Variants in PCNX3 observed in about 807,000 individuals in gnomAD.
PCNX3 encodes pecanex 3, also known as pecanex-like protein 3.
In PCNX3, 58 loss-of-function variants were observed where a neutral mutation model predicts 207.2. The ratio of observed to expected loss-of-function variants is 0.28; its 90% CI spans 0.23 to 0.35. The LOEUF is 0.35. Among genes scored for constraint, PCNX3 ranks in the 10% least tolerant of loss-of-function variants. The pLI is 1.00. For synonymous variants in PCNX3, 1,337 were observed against 1,183.5 expected, an observed-to-expected ratio of 1.13 and a Z score of -2.66; for missense variants, 2,410 against 2,774.4, an observed-to-expected ratio of 0.87 and a Z score of 2.95.
chr11:65,620,196 CT>C, intron 8 of PCNX3, 142 bp from the exon 9 acceptor site: 4 of 938,558 alleles, frequency 4.3e-6, no homozygotes, highest in Non-Finnish European at 6.3e-6. Context: ...CCTGTAGGCC[CT>C]TTCCTCTCCA....
chr11:65,616,087 T>A lies in PCNX3; in HGVS notation c.-225T>A. 1 of 336,870 alleles carries A rather than the reference T, an allele frequency of 3.0e-6. No homozygotes were observed. The highest frequency in any genetic ancestry group is 5.3e-6 in the Non-Finnish European group (1 of 187,788). The allele number at this position is 336,870 out of a possible 1,614,324, so 20.9% of individuals were successfully genotyped here. ...GTGGGGACCCGGACCCCGCCCCTGA[T>A]GCAGCCCCACCCCCGCGTCCGGGCC... On this transcript the variant is annotated 5_prime_UTR_variant, in exon 1 of 35. The change abolishes an upstream ATG in the 5' untranslated region. Coordinates refer to ENST00000355703, the MANE Select transcript of PCNX3 (RefSeq NM_032223.4).
intron 7 of PCNX3, 32 bp downstream of exon 7, chr11:65,619,692 C>T (rs1854974311): frequency 1.3e-6 from 2 of 1,573,314 alleles, no homozygotes; most frequent in Non-Finnish European, 8.6e-7. Flanking sequence ...CCGAGGGGCA[C>T]CGGGGGCCGG....
rs368092880 is a variant in PCNX3, at chr11:65,635,834, G to A, written c.5459+31G>A. 76 of 1,581,344 alleles carry A rather than the reference G, an allele frequency of 4.8e-5. 1 individual carries two copies. The highest frequency in any genetic ancestry group is 6.0e-5 in the Non-Finnish European group (70 of 1,163,770). On this transcript the variant is annotated intron_variant, in intron 32 of 34. Coordinates refer to ENST00000355703, the MANE Select transcript of PCNX3 (RefSeq NM_032223.4). The surrounding 1 kb of genome is among the most constrained non-coding windows in gnomAD (Gnocchi z 9.9). ...GCCTCGGGAAGGGGTGACGTGTGGCGCGGGAGGAAGCTGAGGTGCAGTACG... is the reference window on the plus strand; with the variant it reads ...GCCTCGGGAAGGGGTGACGTGTGGCACGGGAGGAAGCTGAGGTGCAGTACG...
At position 65,637,377 on chromosome 11, in the gene PCNX3, CTTTTTTTT is replaced by C. The variant is rs377458419; in HGVS notation, c.*410_*417del. The C allele has an allele frequency of 3.0e-5, 4 of 132,982 alleles. No individual in the cohort carries two copies. The highest frequency in any genetic ancestry group is 3.2e-5 in the Non-Finnish European group (2 of 63,298). 8.2% of individuals were successfully genotyped at this position (132,982 alleles called of 1,614,324 possible). A position where few individuals can be genotyped will look rare whatever the true frequency, so the allele number is the denominator to read the frequency against. On this transcript the variant is annotated 3_prime_UTR_variant, in exon 35 of 35. Transcript: ENST00000355703. ...TTCTTTCTTTCCTTTTTTTTCTTTT[CTTTTTTTT>C]TTTTTTTTTTGTGCTTCGGAGACAT... is the stretch of plus-strand genomic sequence containing the variant.
At position 65,637,206 on chromosome 11, in the gene PCNX3, C is replaced by G; in HGVS notation, c.*228C>G. The G allele has an allele frequency of 3.5e-6, 2 of 575,818 alleles. No individual in the cohort carries two copies. Among genetic ancestry groups the G allele is most frequent in the Non-Finnish European group, 6.1e-6 (2 of 325,950 alleles). The allele number at this position is 575,818 out of a possible 1,614,324, so 35.7% of individuals were successfully genotyped here. A position where few individuals can be genotyped will look rare whatever the true frequency, so the allele number is the denominator to read the frequency against. ...GGGCTCCCCAGATGGAGGCAGTCAG[C>G]CTCCCAGCCAGGCCCTAAGAGCCAA... On this transcript the variant is annotated 3_prime_UTR_variant, in exon 35 of 35. Transcript: ENST00000355703.
chr11:65,628,818 G>T lies in PCNX3; in HGVS notation c.3812-1G>T. ...CCGCCGCCTCCTTGACTGTGGCTCA[G>T]ACTCGGCCATGCTGTTCGTCCAGGC... On this transcript the variant is annotated splice_acceptor_variant, in intron 23 of 34. Coordinates refer to ENST00000355703, the MANE Select transcript of PCNX3 (RefSeq NM_032223.4). LOFTEE classifies it high-confidence loss of function. 1 of 1,611,280 alleles carries T rather than the reference G, an allele frequency of 6.2e-7. No homozygotes were observed.
chr11:65,618,996 C>A lies in PCNX3; in HGVS notation c.1634C>A (p.Ala545Glu). Reference protein sequence around the residue: ...ASEPVVLPAEARRGPAANQPG... With the variant: ...ASEPVVLPAEERRGPAANQPG... ...GAGCCTGTTGTGCTGCCTGCTGAGG[C>A]GCGAAGGGGACCCGCTGCCAACCAG... The change falls in exon 6 of 35, where the codon GCG (alanine) becomes GAG (glutamate). Residue 545 changes from alanine to glutamate, a missense_variant. Physicochemically the swap from Ala to Glu is moderately radical, Grantham distance 107. Transcript: ENST00000355703. 6.3e-7 allele frequency: 1 copy of A among 1,598,472 alleles called. No homozygotes were observed. The highest frequency in any genetic ancestry group is 8.5e-7 in the Non-Finnish European group (1 of 1,177,992).
At chr11:65,620,001 C>T in intron 8 of PCNX3, 69 bp downstream of exon 8, 1 of 1,467,584 alleles carries the variant, frequency 6.8e-7, no homozygotes, top group Non-Finnish European at 9.2e-7. Context: ...GTCCTCCTAG[C>T]AGTGGTGCTC....
In PCNX3 at chr11:65,619,542, G is replaced by A. The variant is rs1471136010; in HGVS notation, c.1711G>A (p.Glu571Lys). ...QEEGAVGGAA[E>K]ETGRRDRSSS... ...GGGGGCCTCTCTCTGGGCAGCGGCC[G>A]AGGAGACTGGCAGGCGGGACCGCTC... Residue 571 changes from glutamate (E) to lysine (K), a missense_variant, in exon 7 of 35, where the codon GAG becomes AAG. Physicochemically the swap from Glu to Lys is moderately conservative, Grantham distance 56. Around this residue, in one of 8 missense-constraint regions of PCNX3, gnomAD observed 1,104 missense variants for 970.3 expected, o/e 1.14. Transcript: ENST00000355703. 5 of 1,611,702 alleles carry A rather than the reference G, an allele frequency of 3.1e-6. No homozygotes were observed. The highest frequency in any genetic ancestry group is 1.3e-5 in the African/African-American group (1 of 75,074).
chr11:65,622,598 GA>G (rs142046852), intron 11 of PCNX3, among the ~76,000 whole-genome samples: 2,468 of 152,146 alleles, frequency 0.016, 36 homozygotes, highest in Non-Finnish European at 0.028. Context: ...AAGTCCTGCT[GA>G]AAAAAACTTT....
intron 26 of PCNX3, among the ~76,000 whole-genome samples, 157 bp from the exon 27 acceptor site, chr11:65,630,194 G>A (rs961160475): frequency 6.6e-6 from 1 of 152,196 alleles, no homozygotes; most frequent in Non-Finnish European, 1.5e-5. Flanking sequence ...AAAGGCAGGC[G>A]CTCTTTCGTG....
In PCNX3 at chr11:65,629,386, G is replaced by A. The variant is rs1167960566; in HGVS notation, c.3971G>A (p.Arg1324His). Residue 1324 changes from arginine (R) to histidine (H), a missense_variant, in exon 25 of 35, where the codon CGC (arginine) becomes CAC (histidine). Arg to His is a conservative substitution (Grantham distance 29). This residue lies in a region of PCNX3 where 420 missense variants were observed against 705.3 expected (regional missense o/e 0.60). Transcript: ENST00000355703. ...AAACGTGTGGATCATTCCAACACCC[G>A]CCTGGTCACACAGCTGGACAGGAAC... ...NTKRVDHSNT[R>H]LVTQLDRNPG... 3 of 1,611,850 alleles carry A rather than the reference G, an allele frequency of 1.9e-6. No individual in the cohort carries two copies. Among genetic ancestry groups the A allele is most frequent in the African/African-American group, 1.3e-5 (1 of 74,990 alleles).
chr11:65,628,526 G>T, intron 22 of PCNX3, 69 bp from the exon 23 acceptor site: 1 of 1,456,894 alleles, frequency 6.9e-7, no homozygotes, highest in Non-Finnish European at 9.5e-7. Context: ...TCTGAATGGG[G>T]CCTGGCATCC....
chr11:65,616,413 C>A lies in PCNX3; in HGVS notation c.102C>A (p.Phe34Leu), dbSNP rs147443684. 1 of 1,610,648 alleles carries A rather than the reference C, an allele frequency of 6.2e-7. No individual in the cohort carries two copies. Reference protein sequence around the residue: ...DPHQSTFSNCFHLYVWIFLLI... With the variant: ...DPHQSTFSNCLHLYVWIFLLI... ...ACCAGAGCACCTTCTCCAACTGCTT[C>A]CACCTCTATGTCTGGATCTTCCTGC... Residue 34 changes from phenylalanine (F) to leucine (L), a missense_variant, in exon 1 of 35, where the codon TTC becomes TTA. By Grantham distance (22) the Phe-to-Leu change is conservative. Transcript: ENST00000355703.
rs760489135 is a variant in PCNX3 at position 65,617,388 on chromosome 11, C to G, written c.441+39C>G. 17 of 1,613,274 alleles carry G rather than the reference C, an allele frequency of 1.1e-5. No individual in the cohort carries two copies. In the South Asian group the frequency reaches 1.3e-4, roughly 13 times the overall value. On this transcript the variant is annotated intron_variant, in intron 3 of 34. Coordinates refer to ENST00000355703, the MANE Select transcript of PCNX3 (RefSeq NM_032223.4). ...GACCTCAGCTTGTCCTCCTGTCCCTCTGCGAGCCAGTCCCTACTGTGGGTG... is the reference window on the plus strand; with the variant it reads ...GACCTCAGCTTGTCCTCCTGTCCCTGTGCGAGCCAGTCCCTACTGTGGGTG...
chr11:65,630,728 CAGAG>C, intron 27 of PCNX3, 124 bp downstream of exon 27: 1 of 1,377,490 alleles, frequency 7.3e-7, no homozygotes, highest in Non-Finnish European at 9.8e-7. Flanking sequence ...GCTGAGGCCT[CAGAG>C]AGTTTAAGTG....
At position 65,636,583 on chromosome 11, in the gene PCNX3, C is replaced by G. The variant is rs368541735; in HGVS notation, c.5786C>G (p.Ser1929Cys). The G allele has an allele frequency of 2.5e-5, 40 of 1,594,110 alleles. No individual in the cohort carries two copies. Among genetic ancestry groups the G allele is most frequent in the Non-Finnish European group, 3.3e-5 (39 of 1,172,372 alleles). The change falls in exon 34 of 35, where the codon TCT (serine) becomes TGT (cysteine). Residue 1929 changes from serine to cysteine, a missense_variant. By Grantham distance (112) the Ser-to-Cys change is moderately radical. Around this residue, in one of 8 missense-constraint regions of PCNX3, gnomAD observed 278 missense variants for 245.1 expected, o/e 1.13. Coordinates refer to ENST00000355703, the MANE Select transcript of PCNX3 (RefSeq NM_032223.4). ...SRPPGPGLLS[S>C]EGPSGKWSLG... ...CCCCCTGGCCCGGGTCTCCTCAGTTCTGAGGGCCCCAGTGGAAAGTGGAGC... is the reference window on the plus strand; with the variant it reads ...CCCCCTGGCCCGGGTCTCCTCAGTTGTGAGGGCCCCAGTGGAAAGTGGAGC...
At chr11:65,626,292 C>T (rs1183206506) in intron 20 of PCNX3, 2 of 683,284 alleles carry the variant, frequency 2.9e-6, no homozygotes, top group Non-Finnish European at 5.3e-6. Flanking sequence ...GTCCTGCCCT[C>T]CTTCCTGTCT....
At position 65,618,746 on chromosome 11, in the gene PCNX3, G is replaced by A. The variant is rs111983449; in HGVS notation, c.1384G>A (p.Ala462Thr). The A allele has an allele frequency of 1.2e-5, 19 of 1,612,026 alleles. No homozygotes were observed. Among genetic ancestry groups the A allele is most frequent in the Non-Finnish European group, 1.4e-5 (16 of 1,179,350 alleles). The change falls in exon 6 of 35, where the codon GCA becomes ACA. Residue 462 changes from alanine (A) to threonine (T), a missense_variant. Around this residue, in one of 8 missense-constraint regions of PCNX3, gnomAD observed 1,104 missense variants for 970.3 expected, o/e 1.14. Coordinates refer to ENST00000355703, the MANE Select transcript of PCNX3 (RefSeq NM_032223.4). Reference sequence around the variant, plus strand: ...CTCCCCTGAGAGCTCCCGGGGTGCAGCAGGGGGACCCCGGAAGCGGAGGGC... The same window carrying A: ...CTCCCCTGAGAGCTCCCGGGGTGCAACAGGGGGACCCCGGAAGCGGAGGGC... ...CYSPESSRGAAGGPRKRRAPH... is the reference protein window; with the variant it reads ...CYSPESSRGATGGPRKRRAPH...
Sources: gnomAD v4.1 joint callset for allele counts (sites outside exome capture counted in the v4.1 genomes callset) on GRCh38, gnomAD v4.1.1 for gene constraint, gnomAD v4.1.1 regional missense constraint, Gnocchi (gnomAD v3.1) non-coding constraint, MANE v1.5 for transcripts, NCBI Gene and HGNC (gene_info 2026-07-23, HGNC 2026-07-21) for gene names.